The following TP63 variants were observed in gnomAD, a reference collection of about 807,000 sequenced individuals.
The protein encoded by TP63 is tumor protein 63.
In TP63, 17 loss-of-function variants were observed where a neutral mutation model predicts 82.8. The observed-to-expected ratio is 0.21, with a 90% CI of 0.14 to 0.31. TP63 has a LOEUF of 0.31. Ranked by LOEUF, TP63 falls within the 10% of genes least tolerant of loss-of-function variation. The probability of loss-of-function intolerance (pLI) is 1.00; values close to 1 mark genes in which losing one functional copy is unlikely to be tolerated. For missense variants in TP63, 648 were observed against 895.3 expected (o/e 0.72, Z 3.52); for synonymous variants, 330 against 321.7 (o/e 1.03, Z -0.28).
At chr3:189,641,971 C>G (rs754237765) in intron 1 of TP63, among the ~76,000 whole-genome samples, 2 of 152,150 alleles carry the variant, frequency 1.3e-5, no homozygotes, top group Non-Finnish European at 2.9e-5. Flanking sequence ...ATCATTCTCA[C>G]CTGAGTCAGG....
At chr3:189,619,903 A>C in the TP63 span, among the ~76,000 whole-genome samples, 1 of 152,164 alleles carries the variant, frequency 6.6e-6, no homozygotes, top group Non-Finnish European at 1.5e-5. Flanking sequence ...GGCCAGTCCC[A>C]AAACCCCCAT....
chr3:189,731,352 A>G (rs9811778), intron 1 of TP63, among the ~76,000 whole-genome samples: 10 of 149,504 alleles, frequency 6.7e-5, no homozygotes, highest in African/African-American at 1.5e-4. Context: ...TCAAAAAAAA[A>G]GAAAAAAAAA....
chr3:189,870,638 T>C (rs966606813), intron 9 of TP63, among the ~76,000 whole-genome samples: 4 of 152,198 alleles, frequency 2.6e-5, no homozygotes, highest in African/African-American at 9.7e-5. Context: ...AAGAACCTCA[T>C]TAATTCCTAC....
chr3:189,606,224 T>C, the TP63 span, among the ~76,000 whole-genome samples: 920 of 152,266 alleles, frequency 6.0e-3, 7 homozygotes, highest in Non-Finnish European at 0.011. Context: ...TGCATACTAA[T>C]TGATAATTTT....
intron 1 of TP63, among the ~76,000 whole-genome samples, chr3:189,677,675 T>C (rs1224416307): frequency 1.3e-5 from 2 of 151,994 alleles, no homozygotes; most frequent in Non-Finnish European, 2.9e-5. Flanking sequence ...ATATCCATAT[T>C]GTTTGCCATA....
the TP63 span, among the ~76,000 whole-genome samples, chr3:189,619,932 A>G: frequency 2.6e-5 from 4 of 151,976 alleles, no homozygotes; most frequent in African/African-American, 4.8e-5. Flanking sequence ...CCACTCTTGG[A>G]CCTCTCTCAG....
chr3:189,666,228 T>G (rs141301406), intron 1 of TP63, among the ~76,000 whole-genome samples: 30 of 152,146 alleles, frequency 2.0e-4, no homozygotes, highest in African/African-American at 6.3e-4. Flanking sequence ...CCTTGAAAAC[T>G]CTAGTAGTTA....
chr3:189,872,724 T>C (rs1718583676), intron 9 of TP63, 135 bp from the exon 10 acceptor site: 1 of 1,377,684 alleles, frequency 7.3e-7, no homozygotes, highest in Non-Finnish European at 1.0e-6. Flanking sequence ...AGAGTGTTGA[T>C]TTTCATGTTA....
Position 189,752,909 on chromosome 3 carries a change from A to G in TP63, c.324+14135A>G, listed in dbSNP as rs573442576. Among the ~76,000 whole-genome samples, 6 of 152,270 alleles carry G rather than the reference A, an allele frequency of 3.9e-5. No individual in the cohort carries two copies. In the South Asian group the frequency reaches 1.2e-3, roughly 32 times the overall value. The stretch of plus-strand genomic sequence containing the variant: ...TTTCTTGAGACTTCCTCTTTGACCC[A>G]TAAGTATTTCAAAGCATTTTGTTTA... On this transcript the variant is annotated intron_variant, in intron 3 of 13. Coordinates refer to ENST00000264731, the MANE Select transcript of TP63 (RefSeq NM_003722.5).
At chr3:189,838,025 C>T (rs1713403238) in intron 4 of TP63, among the ~76,000 whole-genome samples, 1 of 152,160 alleles carries the variant, frequency 6.6e-6, no homozygotes, top group South Asian at 2.1e-4. Flanking sequence ...CAATCACCAA[C>T]TCTCTAAGCA....
upstream of TP63, among the ~76,000 whole-genome samples, chr3:189,626,799 A>G (rs1352565564): frequency 6.6e-6 from 1 of 151,970 alleles, no homozygotes; most frequent in Non-Finnish European, 1.5e-5. Context: ...GTCCATTCCT[A>G]TTTCTTAAGT....
intron 4 of TP63, among the ~76,000 whole-genome samples, chr3:189,817,006 G>GGA (rs1553847217): frequency 2.2e-4 from 33 of 149,440 alleles, no homozygotes; most frequent in African/African-American, 4.7e-4. Context: ...TCATGTGGGG[G>GGA]AAAAAAAAAA....
chr3:189,765,444 T>TTTTTTTTTTTTTTTTG (rs1722882606), intron 3 of TP63, among the ~76,000 whole-genome samples: 1 of 102,452 alleles, frequency 9.8e-6, no homozygotes, highest in Non-Finnish European at 2.0e-5. Flanking sequence ...TTTTTTTTTT[T>TTTTTTTTTTTTTTTTG]TTTTTTTTTT....
intron 1 of TP63, among the ~76,000 whole-genome samples, chr3:189,718,792 G>A (rs145205013): frequency 8.6e-5 from 13 of 151,872 alleles, no homozygotes; most frequent in Admixed American, 2.6e-4. Context: ...CATGTAAGAT[G>A]GGATTGTCAT....
chr3:189,855,971 A>C (rs1392996958), intron 4 of TP63, among the ~76,000 whole-genome samples: 2 of 151,958 alleles, frequency 1.3e-5, no homozygotes, highest in Non-Finnish European at 2.9e-5. Context: ...TTCACATAGA[A>C]GGTTTGAAAT....
intron 3 of TP63, among the ~76,000 whole-genome samples, chr3:189,806,611 C>T (rs1302932727): frequency 6.6e-6 from 1 of 152,094 alleles, no homozygotes; most frequent in Admixed American, 6.5e-5. Flanking sequence ...GCCACACCTG[C>T]CGGGAGAGAA....
chr3:189,824,215 A>G lies in TP63; in HGVS notation c.579+15689A>G, dbSNP rs1424294534. Among the ~76,000 whole-genome samples the G allele has an allele frequency of 6.6e-5, 10 of 151,432 alleles. No individual in the cohort carries two copies. The South Asian group carries it at 2.1e-3, about 32-fold the overall frequency. On this transcript the variant is annotated intron_variant, in intron 4 of 13. Transcript: ENST00000264731. ...GACTGTTTTATTTATTTATTTTATTATTATTATTATTTTTTTTTTGAGACA... is the reference window on the plus strand; with the variant it reads ...GACTGTTTTATTTATTTATTTTATTGTTATTATTATTTTTTTTTTGAGACA...
chr3:189,818,849 A>G (rs1298191643), intron 4 of TP63, among the ~76,000 whole-genome samples: 2 of 152,220 alleles, frequency 1.3e-5, no homozygotes, highest in Admixed American at 1.3e-4. Context: ...GCAGCTAGAT[A>G]TGAGAAGAGT....
intron 10 of TP63, among the ~76,000 whole-genome samples, chr3:189,882,543 T>G (rs1720041363): frequency 6.6e-6 from 1 of 151,734 alleles, no homozygotes. Context: ...TGCTCCCAAA[T>G]TCTTTACTGC....
Sources: allele counts gnomAD v4.1 joint callset (sites outside exome capture counted in the v4.1 genomes callset), GRCh38; gene constraint gnomAD v4.1.1; transcripts MANE v1.5; gene names NCBI Gene and HGNC (gene_info 2026-07-23, HGNC 2026-07-21).